The following RERE variants were observed in gnomAD, a reference collection of about 807,000 sequenced individuals.
The protein encoded by RERE is arginine-glutamic acid dipeptide repeats protein.
RERE carries 40 observed loss-of-function variants against 146.1 expected under a neutral mutation model. The ratio of observed to expected loss-of-function variants is 0.27; its 90% CI spans 0.21 to 0.36. The LOEUF (loss-of-function observed/expected upper bound fraction) is 0.36, where lower values mean the gene tolerates loss of function less well. RERE is among the 10% of genes least tolerant of loss of function. The pLI is 1.00. For missense variants in RERE, 1,933 were observed against 2,138.7 expected (o/e 0.90, Z 1.90); for synonymous variants, 1,003 against 866.0 (o/e 1.16, Z -2.78).
In RERE at chr1:8,535,367, C is replaced by T. The variant is rs554315482; in HGVS notation, c.830+5847G>A. ...AAAATTTGAATAGGGCCTGAGAATA[C>T]CATGGTAATAATATTTTCATTGTTA... On this transcript the variant is annotated intron_variant, in intron 7 of 22. Coordinates refer to ENST00000400908, the MANE Select transcript of RERE (RefSeq NM_001042681.2). Among the ~76,000 whole-genome samples the T allele has an allele frequency of 3.3e-5, 5 of 152,200 alleles. No homozygotes were observed. The East Asian group carries it at 9.7e-4, about 29-fold the overall frequency.
At position 8,508,647 on chromosome 1, in the gene RERE, G is replaced by C. The variant is rs1447924337; in HGVS notation, c.859C>G (p.Arg287Gly). 6.2e-7 allele frequency: 1 copy of C among 1,613,308 alleles called. No homozygotes were observed. Among genetic ancestry groups the C allele is most frequent in the Admixed American group, 1.7e-5 (1 of 59,996 alleles). The change falls in exon 8 of 23, where the codon CGT becomes GGT. Residue 287 changes from arginine to glycine, a missense_variant. By Grantham distance (125) the Arg-to-Gly change is moderately radical. Transcript: ENST00000400908. ...TTCACCTGATGACTAGGACCGACAC[G>C]AATCTCCCCCTGGGTACTGTTCAGC... Reference protein sequence around the residue: ...RRLNSTQGEIRVGPSHQAKLP... With the variant: ...RRLNSTQGEIGVGPSHQAKLP...
Position 8,782,284 on chromosome 1 carries a change from C to T in RERE, c.-145+34876G>A, listed in dbSNP as rs151116953. Among the ~76,000 whole-genome samples, 12 of 152,192 alleles carry T rather than the reference C, an allele frequency of 7.9e-5. No homozygotes were observed. In the East Asian group the frequency reaches 2.3e-3, roughly 29 times the overall value. ...GCTTGAATACGTTTTTCTCATCTGGCTTCCAGGATGCCATATAATATAGTC... is the reference window on the plus strand; with the variant it reads ...GCTTGAATACGTTTTTCTCATCTGGTTTCCAGGATGCCATATAATATAGTC... On this transcript the variant is annotated intron_variant, in intron 1 of 22. Transcript: ENST00000400908.
At chr1:8,726,872 C>T (rs1639980414) in intron 1 of RERE, among the ~76,000 whole-genome samples, 3 of 152,060 alleles carry the variant, frequency 2.0e-5, no homozygotes, top group Admixed American at 2.0e-4. Flanking sequence ...GTGGCACGAC[C>T]TCAGCTCACT....
chr1:8,362,629 G>A (rs1641629054), intron 16 of RERE, 54 bp downstream of exon 16: 15 of 1,610,852 alleles, frequency 9.3e-6, no homozygotes, highest in Middle Eastern at 1.6e-4. Flanking sequence ...CAGCAAACCA[G>A]TTTTAATGTG....
At chr1:8,355,349 T>C (rs892985139) in intron 22 of RERE, 70 bp downstream of exon 22, 3 of 1,537,438 alleles carry the variant, frequency 2.0e-6, no homozygotes, top group African/African-American at 1.4e-5. Flanking sequence ...AGCCTGGCCC[T>C]GGGCACACGG....
At chr1:8,358,946 C>A (rs746197632) in intron 19 of RERE, 30 bp from the exon 20 acceptor site, 2 of 1,502,480 alleles carry the variant, frequency 1.3e-6, no homozygotes, top group Non-Finnish European at 1.8e-6. Flanking sequence ...CGTGAGGGGT[C>A]CCCCGAGCGC....
chr1:8,685,467 A>T (rs901811341), intron 1 of RERE, among the ~76,000 whole-genome samples: 2 of 152,190 alleles, frequency 1.3e-5, no homozygotes, highest in African/African-American at 4.8e-5. Flanking sequence ...CACGCCTGTA[A>T]TCCCAGCACT....
chr1:8,496,290 C>T (rs915017625), intron 9 of RERE, among the ~76,000 whole-genome samples: 2 of 151,840 alleles, frequency 1.3e-5, no homozygotes, highest in Non-Finnish European at 2.9e-5. Flanking sequence ...TGGGGCAACA[C>T]AGAAAGGACC....
intron 1 of RERE, among the ~76,000 whole-genome samples, chr1:8,812,560 T>C (rs1041921753): frequency 2.6e-5 from 4 of 152,038 alleles, no homozygotes; most frequent in Admixed American, 2.6e-4. Flanking sequence ...GGCAGGAAAA[T>C]CGCTTGAACC....
chr1:8,687,090 G>A (rs1236858285), intron 1 of RERE, among the ~76,000 whole-genome samples: 1 of 152,210 alleles, frequency 6.6e-6, no homozygotes, highest in Non-Finnish European at 1.5e-5. Flanking sequence ...GGCAGAGTAA[G>A]TGGGATCCAA....
intron 8 of RERE, among the ~76,000 whole-genome samples, chr1:8,498,098 C>T (rs902940136): frequency 1.3e-5 from 2 of 152,214 alleles, no homozygotes; most frequent in Non-Finnish European, 1.5e-5. Context: ...TGGTGGCTCA[C>T]GCCTGTAATC....
At chr1:8,412,253 G>A (rs1557618385) in intron 12 of RERE, among the ~76,000 whole-genome samples, 9 of 152,206 alleles carry the variant, frequency 5.9e-5, no homozygotes. Context: ...AAGCATCACT[G>A]AAGAAAGTCT....
intron 12 of RERE, among the ~76,000 whole-genome samples, chr1:8,376,814 G>A (rs960985639): frequency 6.6e-6 from 1 of 152,238 alleles, no homozygotes; most frequent in African/African-American, 2.4e-5. Context: ...CTTCCAGCTA[G>A]AAGTATCTAT....
chr1:8,444,612 A>G (rs554682196), intron 11 of RERE, among the ~76,000 whole-genome samples: 5 of 152,332 alleles, frequency 3.3e-5, no homozygotes, highest in Admixed American at 1.3e-4. Flanking sequence ...GTAATCCCCA[A>G]TGTCGGAGAT....
At chr1:8,565,123 G>T (rs933658275) in intron 4 of RERE, among the ~76,000 whole-genome samples, 3 of 151,952 alleles carry the variant, frequency 2.0e-5, no homozygotes. Flanking sequence ...CAGTAAAGAA[G>T]AATAACTGGG....
chr1:8,721,685 T>C (rs945184145), intron 1 of RERE, among the ~76,000 whole-genome samples: 12 of 152,290 alleles, frequency 7.9e-5, no homozygotes, highest in African/African-American at 2.6e-4. Context: ...GGTGACTTGG[T>C]CTCACACCTG....
chr1:8,519,848 C>T (rs1645467991), intron 7 of RERE: 1 of 152,116 alleles, frequency 6.6e-6, no homozygotes, highest in Non-Finnish European at 1.5e-5. Flanking sequence ...TAATGCAGAA[C>T]TCACTGGCTC....
chr1:8,658,687 G>A (rs1364515291), intron 1 of RERE, among the ~76,000 whole-genome samples: 2 of 151,786 alleles, frequency 1.3e-5, no homozygotes, highest in African/African-American at 4.8e-5. Flanking sequence ...AACCCAGGTG[G>A]CAGAGGTTGC....
intron 7 of RERE, among the ~76,000 whole-genome samples, chr1:8,531,929 AATTGG>A (rs748441906): frequency 3.3e-5 from 5 of 152,220 alleles, no homozygotes; most frequent in Non-Finnish European, 7.3e-5. Flanking sequence ...AAAATAGTAT[AATTGG>A]ATTGTTTTTA....
Sources: gnomAD v4.1 joint callset for allele counts (sites outside exome capture counted in the v4.1 genomes callset) on GRCh38, gnomAD v4.1.1 for gene constraint, MANE v1.5 for transcripts, NCBI Gene and HGNC (gene_info 2026-07-23, HGNC 2026-07-21) for gene names.